Variants in REV1 observed in about 807,000 individuals in gnomAD.
The protein encoded by REV1 is translesion synthesis protein REV1.
Under a neutral mutation model 137.4 loss-of-function variants are expected in REV1, and 42 were observed. The ratio of observed to expected loss-of-function variants is 0.31; its 90% CI spans 0.24 to 0.40. The LOEUF is 0.40. Ranked by LOEUF, REV1 falls within the 10% of genes least tolerant of loss-of-function variation. REV1 has a pLI of 1.00. For missense variants in REV1, 1,282 were observed against 1,490.1 expected (o/e 0.86, Z 2.30); for synonymous variants, 524 against 519.2 (o/e 1.01, Z -0.12).
At chr2:99,456,480 C>T (rs1172174032) in intron 3 of REV1, among the ~76,000 whole-genome samples, 1 of 152,020 alleles carries the variant, frequency 6.6e-6, no homozygotes, top group African/African-American at 2.4e-5. Flanking sequence ...GGAAGGTCTC[C>T]GTAAAAAGGT....
chr2:99,464,860 ACAG>A, intron 2 of REV1, 59 bp downstream of exon 2: 17 of 1,483,328 alleles, frequency 1.1e-5, no homozygotes, highest in Non-Finnish European at 1.5e-5. Context: ...CCACATTATA[ACAG>A]AAGAATGAAA....
At position 99,438,761 on chromosome 2, in the gene REV1, G is replaced by A. The variant is rs372380799; in HGVS notation, c.1053C>T (p.Asn351=). The A allele has an allele frequency of 3.1e-5, 50 of 1,614,106 alleles. No individual in the cohort carries two copies. The highest frequency in any genetic ancestry group is 1.6e-4 in the Middle Eastern group (1 of 6,084). The change falls in exon 6 of 23, where the codon AAC becomes AAT. Residue 351 remains asparagine (N), a synonymous_variant. Transcript: ENST00000258428. ...GATGCAGTCTTGAATGAGAATAGAAGTTTGAAATAAAATTGCAGTCTGAAG... is the reference window on the plus strand; with the variant it reads ...GATGCAGTCTTGAATGAGAATAGAAATTTGAAATAAAATTGCAGTCTGAAG... The part of the protein sequence containing the change: ...SKPSDCNFIS[N]FYSHSRLHHI...
chr2:99,414,980 T>G (rs1016056181), intron 12 of REV1, among the ~76,000 whole-genome samples: 13 of 152,178 alleles, frequency 8.5e-5, no homozygotes, highest in African/African-American at 3.1e-4. Context: ...CCGTAATCAA[T>G]CTAATCTAAG....
At chr2:99,416,912 C>CAAAAAAAAAAAAAAAAAA (rs755184253) in intron 12 of REV1, among the ~76,000 whole-genome samples, 2 of 77,852 alleles carry the variant, frequency 2.6e-5, no homozygotes, top group Non-Finnish European at 4.6e-5. Flanking sequence ...GACTCCATCT[C>CAAAAAAAAAAAAAAAAAA]AAAAAAAAAA....
chr2:99,406,171 C>A, intron 16 of REV1, 65 bp from the exon 17 acceptor site: 1 of 1,419,782 alleles, frequency 7.0e-7, no homozygotes, highest in Non-Finnish European at 9.4e-7. Context: ...AATCCTCTGT[C>A]CATTACAAAT....
intron 1 of REV1, among the ~76,000 whole-genome samples, chr2:99,473,042 T>G (rs1192870270): frequency 2.0e-5 from 3 of 152,094 alleles, no homozygotes; most frequent in Admixed American, 2.0e-4. Context: ...CAGGTTTTGA[T>G]CTTGAAGGGA....
Position 99,490,003 on chromosome 2 carries a change from G to C in REV1, c.-197C>G, listed in dbSNP as rs1388258499. The C allele has an allele frequency of 6.7e-6, 1 of 149,392 alleles. No individual in the cohort carries two copies. The highest frequency in any genetic ancestry group is 2.1e-4 in the South Asian group (1 of 4,806). The allele number at this position is 149,392 out of a possible 1,614,324, so 9.3% of individuals were successfully genotyped here. A position where few individuals can be genotyped will look rare whatever the true frequency, so the allele number is the denominator to read the frequency against. On this transcript the variant is annotated 5_prime_UTR_variant, in exon 1 of 23. Coordinates refer to ENST00000258428, the MANE Select transcript of REV1 (RefSeq NM_016316.4). ...GCTCGCGGCAACCAACCCCGCGCGC[G>C]CTCCGCGGTGGCTCTCCGCCCCTCC...
chr2:99,405,950 G>C lies in REV1; in HGVS notation c.2771C>G (p.Ser924Trp). The C allele has an allele frequency of 1.2e-6, 2 of 1,609,770 alleles. No individual in the cohort carries two copies. Among genetic ancestry groups the C allele is most frequent in the Non-Finnish European group, 1.7e-6 (2 of 1,177,894 alleles). ...GACCTCTATACTCAGGTTAAGTCTC[G>C]ACTGCACACTGACAGGAGTATGTAG... ...NGLHTPVSVQ[S>W]RLNLSIEVPS... Residue 924 changes from serine to tryptophan, a missense_variant, in exon 17 of 23, where the codon TCG (serine) becomes TGG (tryptophan). Ser to Trp is a radical substitution (Grantham distance 177, BLOSUM62 -3). This residue lies in a region of REV1 where 135 missense variants were observed against 123.3 expected (regional missense o/e 1.10). Coordinates refer to ENST00000258428, the MANE Select transcript of REV1 (RefSeq NM_016316.4).
chr2:99,475,686 C>CAA (rs138622803), intron 1 of REV1, among the ~76,000 whole-genome samples: 38 of 149,520 alleles, frequency 2.5e-4, no homozygotes, highest in Admixed American at 4.6e-4. Context: ...CACTCTGTCT[C>CAA]AAAAAAAAAA....
chr2:99,424,195 C>T lies in REV1; in HGVS notation c.1633G>A (p.Ala545Thr), dbSNP rs970051189. The change falls in exon 10 of 23, where the codon GCA becomes ACA. Residue 545 changes from alanine (A) to threonine (T), a missense_variant. Physicochemically the swap from Ala to Thr is moderately conservative, Grantham distance 58. Coordinates refer to ENST00000258428, the MANE Select transcript of REV1 (RefSeq NM_016316.4). Reference protein sequence around the residue: ...NLQAVPYDFHAYKEVAQTLYE... With the variant: ...NLQAVPYDFHTYKEVAQTLYE... ...AATGTTTGTGCGACTTCCTTATATG[C>T]ATGAAAATCGTATGGAACAGCTTGA... 1.2e-6 allele frequency: 2 copies of T among 1,613,932 alleles called. No homozygotes were observed. The highest frequency in any genetic ancestry group is 1.7e-6 in the Non-Finnish European group (2 of 1,179,860).
intron 1 of REV1, among the ~76,000 whole-genome samples, chr2:99,472,164 T>C (rs1685491620): frequency 6.6e-6 from 1 of 152,194 alleles, no homozygotes. Context: ...CAAGTGTCCA[T>C]CCACAGATGA....
chr2:99,436,464 G>C (rs982095547), intron 6 of REV1, among the ~76,000 whole-genome samples: 2 of 152,122 alleles, frequency 1.3e-5, no homozygotes, highest in African/African-American at 2.4e-5. Flanking sequence ...GTTGAGCTGT[G>C]ATTCTGTCTC....
chr2:99,429,693 G>C (rs1347258536), intron 9 of REV1, 147 bp downstream of exon 9: 2 of 507,098 alleles, frequency 3.9e-6, no homozygotes, highest in Non-Finnish European at 6.8e-6. Flanking sequence ...GGGGTTGTGG[G>C]GGGCATAGAT....
chr2:99,434,219 A>G, intron 8 of REV1, 113 bp downstream of exon 8: 1 of 564,720 alleles, frequency 1.8e-6, no homozygotes, highest in Non-Finnish European at 3.0e-6. Context: ...CCCCTGAATG[A>G]AAAAGCTAAT....
At chr2:99,473,109 T>C (rs918235279) in intron 1 of REV1, among the ~76,000 whole-genome samples, 1 of 152,164 alleles carries the variant, frequency 6.6e-6, no homozygotes, top group Non-Finnish European at 1.5e-5. Flanking sequence ...CTCATGCCTG[T>C]AATCCCAGTA....
chr2:99,404,684 A>G lies in REV1; in HGVS notation c.2812-7T>C, dbSNP rs989725137. The G allele has an allele frequency of 1.3e-6, 2 of 1,596,562 alleles. No homozygotes were observed. The highest frequency in any genetic ancestry group is 2.7e-5 in the African/African-American group (2 of 74,294). On this transcript the variant is annotated splice_polypyrimidine_tract_variant and splice_region_variant and intron_variant, in intron 17 of 22. Transcript: ENST00000258428. ...CTAAAACAGACTGATCCAGCTATAA[A>G]ATGCCAAACATATGAGTAGGAAGTT...
Position 99,404,521 on chromosome 2 carries a change from A to T in REV1, c.2968T>A (p.Leu990Met). 6.2e-7 allele frequency: 1 copy of T among 1,614,208 alleles called. No homozygotes were observed. The highest frequency in any genetic ancestry group is 8.5e-7 in the Non-Finnish European group (1 of 1,180,030). Residue 990 changes from leucine to methionine, a missense_variant, in exon 18 of 23, where the codon TTG (leucine) becomes ATG (methionine). Transcript: ENST00000258428. ...TCTTGAGGTTCTGGTATTTGCAACA[A>T]GACTGTCCCAACTGGTTGTGGCAAA... Reference protein sequence around the residue: ...GILPQPVGTVLLQIPEPQESN... With the variant: ...GILPQPVGTVMLQIPEPQESN...
intron 4 of REV1, among the ~76,000 whole-genome samples, chr2:99,448,070 T>A (rs1441737926): frequency 1.3e-5 from 2 of 152,234 alleles, no homozygotes; most frequent in African/African-American, 4.8e-5. Context: ...TGAAGCCAAG[T>A]ATGTCTCCAG....
intron 10 of REV1, 82 bp from the exon 11 acceptor site, chr2:99,421,735 CCT>C: frequency 1.4e-6 from 2 of 1,396,762 alleles, no homozygotes; most frequent in Non-Finnish European, 1.9e-6. Context: ...GTCTTCTTAT[CCT>C]CTCTTTTTTC....
Sources: allele counts gnomAD v4.1 joint callset (sites outside exome capture counted in the v4.1 genomes callset), GRCh38; gene constraint gnomAD v4.1.1; regional missense constraint gnomAD v4.1.1; transcripts MANE v1.5; gene names NCBI Gene and HGNC (gene_info 2026-07-23, HGNC 2026-07-21).